Variants in CREG2 observed in about 807,000 individuals in gnomAD.
CREG2 encodes the protein cellular repressor of E1A stimulated genes 2.
CREG2 carries 24 observed loss-of-function variants against 26.2 expected under a neutral mutation model. The observed-to-expected ratio is 0.92, with a 90% CI of 0.66 to 1.29. CREG2 has a LOEUF of 1.29. CREG2 is among the 50% of genes most tolerant of loss of function. CREG2 has a pLI of 0.00. For synonymous variants in CREG2, 174 were observed against 169.2 expected, an observed-to-expected ratio of 1.03 and a Z score of -0.22; for missense variants, 366 against 398.6, an observed-to-expected ratio of 0.92 and a Z score of 0.70.
chr2:101,352,717 A>C (rs1287865879), intron 3 of CREG2, among the ~76,000 whole-genome samples: 2 of 152,210 alleles, frequency 1.3e-5, no homozygotes, highest in Non-Finnish European at 2.9e-5. Context: ...CTGAGGCACA[A>C]GACTCACTTG....
chr2:101,366,714 T>C (rs1256740101), intron 2 of CREG2, among the ~76,000 whole-genome samples: 1 of 151,700 alleles, frequency 6.6e-6, no homozygotes, highest in Non-Finnish European at 1.5e-5. Context: ...CCCAGCAACT[T>C]GGGAGGATGA....
Position 101,350,289 on chromosome 2 carries a change from A to G in CREG2, c.*634T>C, listed in dbSNP as rs1252322846. The G allele has an allele frequency of 6.6e-6, 1 of 152,236 alleles. No individual in the cohort carries two copies. Among genetic ancestry groups the G allele is most frequent in the Non-Finnish European group, 1.5e-5 (1 of 68,056 alleles). 9.4% of individuals were successfully genotyped at this position (152,236 alleles called of 1,614,324 possible). ...TTTAATGACTGCCATGGCTGCTTAC[A>G]TAGAGAAGGGCTATGCACAAAGCAC... On this transcript the variant is annotated 3_prime_UTR_variant, in exon 4 of 4. Coordinates refer to ENST00000324768, the MANE Select transcript of CREG2 (RefSeq NM_153836.4).
chr2:101,348,413 T>C lies in CREG2; in HGVS notation c.*2510A>G, dbSNP rs1303827670. On this transcript the variant is annotated 3_prime_UTR_variant, in exon 4 of 4. Coordinates refer to ENST00000324768, the MANE Select transcript of CREG2 (RefSeq NM_153836.4). The stretch of plus-strand genomic sequence containing the variant: ...AGAACTGATATCTTTACTGTTTGTA[T>C]CTTCCAATCCAAGAACATGGTATCT... The C allele has an allele frequency of 6.6e-6, 1 of 152,234 alleles. No individual in the cohort carries two copies. Among genetic ancestry groups the C allele is most frequent in the Non-Finnish European group, 1.5e-5 (1 of 68,028 alleles). 9.4% of individuals were successfully genotyped at this position (152,234 alleles called of 1,614,324 possible).
chr2:101,381,814 C>A (rs377450620), intron 2 of CREG2, among the ~76,000 whole-genome samples: 2 of 152,174 alleles, frequency 1.3e-5, no homozygotes, highest in African/African-American at 4.8e-5. Context: ...CAGGTGTTTG[C>A]GTGTCCTACA....
chr2:101,369,617 G>A (rs987495191), intron 2 of CREG2, among the ~76,000 whole-genome samples: 3 of 152,172 alleles, frequency 2.0e-5, no homozygotes, highest in Non-Finnish European at 2.9e-5. Flanking sequence ...TCTACAGGCC[G>A]ATAACTTGTA....
chr2:101,358,506 T>C (rs1337329494), intron 2 of CREG2, among the ~76,000 whole-genome samples: 1 of 152,250 alleles, frequency 6.6e-6, no homozygotes, highest in Admixed American at 6.5e-5. Flanking sequence ...GAATTGTTTA[T>C]GATGGCAAAA....
rs139618261 is a variant in CREG2, at chr2:101,383,881, C to A, written c.442-179G>T. On this transcript the variant is annotated intron_variant, in intron 1 of 3. Coordinates refer to ENST00000324768, the MANE Select transcript of CREG2 (RefSeq NM_153836.4). The stretch of plus-strand genomic sequence containing the variant: ...GGTGGTCCCCAGTCTGCCCAATTCA[C>A]TCCGTGGTGGCTCTAGAATTTCTCC... Among the ~76,000 whole-genome samples, 611 of 152,326 alleles carry A rather than the reference C, an allele frequency of 4.0e-3. 3 individuals carry two copies. Among genetic ancestry groups the A allele is most frequent in the African/African-American group, 0.014 (592 of 41,556 alleles).
rs1387745323 is a variant in CREG2, at chr2:101,346,653, A to C, written c.*4270T>G. The C allele has an allele frequency of 6.6e-6, 1 of 152,238 alleles. No individual in the cohort carries two copies. The highest frequency in any genetic ancestry group is 1.9e-4 in the East Asian group (1 of 5,200). The allele number at this position is 152,238 out of a possible 1,614,324, so 9.4% of individuals were successfully genotyped here. The stretch of plus-strand genomic sequence containing the variant: ...TGTACTAGGTTTTGGCTTATAGCTC[A>C]GTTCCTCATTTTATTAGGGACTAAT... On this transcript the variant is annotated 3_prime_UTR_variant, in exon 4 of 4. Transcript: ENST00000324768.
intron 2 of CREG2, among the ~76,000 whole-genome samples, chr2:101,367,998 T>A (rs1684644627): frequency 6.6e-6 from 1 of 152,128 alleles, no homozygotes; most frequent in Non-Finnish European, 1.5e-5. Context: ...CTTAAAAGAA[T>A]GCATCTGTGG....
chr2:101,368,845 A>G (rs1461227182), intron 2 of CREG2, among the ~76,000 whole-genome samples: 1 of 152,220 alleles, frequency 6.6e-6, no homozygotes, highest in Non-Finnish European at 1.5e-5. Flanking sequence ...TGCTCACCAG[A>G]CACTAAATCT....
In CREG2 at chr2:101,348,291, C is replaced by T. The variant is rs1269439612; in HGVS notation, c.*2632G>A. On this transcript the variant is annotated 3_prime_UTR_variant, in exon 4 of 4. Transcript: ENST00000324768. The stretch of plus-strand genomic sequence containing the variant: ...GTTTTAGCTATTTCAATGCCTGTGC[C>T]TTTCCATGTAACTTTTAAAATAAGC... 6.6e-6 allele frequency: 1 copy of T among 152,212 alleles called. No individual in the cohort carries two copies. The highest frequency in any genetic ancestry group is 2.4e-5 in the African/African-American group (1 of 41,452). 9.4% of individuals were successfully genotyped at this position (152,212 alleles called of 1,614,324 possible).
intron 3 of CREG2, among the ~76,000 whole-genome samples, chr2:101,354,771 A>C (rs1400732386): frequency 1.3e-5 from 2 of 152,098 alleles, no homozygotes; most frequent in African/African-American, 4.8e-5. Flanking sequence ...TGCCTTTCAC[A>C]ATACAGATTC....
chr2:101,355,187 C>G, intron 3 of CREG2, 66 bp downstream of exon 3: 1 of 1,072,690 alleles, frequency 9.3e-7, no homozygotes, highest in Non-Finnish European at 1.4e-6. Flanking sequence ...TCTAATGGCA[C>G]AGCCTGACCT....
chr2:101,372,543 T>A (rs1684724931), intron 2 of CREG2, among the ~76,000 whole-genome samples: 1 of 152,234 alleles, frequency 6.6e-6, no homozygotes, highest in Non-Finnish European at 1.5e-5. Flanking sequence ...GGTACACTTC[T>A]TTGTCATCTC....
chr2:101,383,289 G>T (rs1034445802), intron 2 of CREG2, among the ~76,000 whole-genome samples: 3 of 152,122 alleles, frequency 2.0e-5, no homozygotes, highest in Non-Finnish European at 4.4e-5. Context: ...ATAACCCTCG[G>T]AGGCAAAGAT....
chr2:101,382,615 G>A (rs535142008), intron 2 of CREG2: 87 of 985,414 alleles, frequency 8.8e-5, no homozygotes, highest in Middle Eastern at 5.2e-4. Flanking sequence ...GTGGTCTGTC[G>A]TGGCTGAGGG....
chr2:101,373,588 C>T (rs916997623), intron 2 of CREG2, among the ~76,000 whole-genome samples: 4 of 152,092 alleles, frequency 2.6e-5, no homozygotes, highest in Non-Finnish European at 4.4e-5. Flanking sequence ...ATAAATAAAA[C>T]ATTGATAAGC....
Position 101,387,122 on chromosome 2 carries a change from C to G in CREG2, c.336G>C (p.Gln112His). Residue 112 changes from glutamine (Q) to histidine (H), a missense_variant, in exon 1 of 4, where the codon CAG becomes CAC. Physicochemically the swap from Gln to His is conservative, Grantham distance 24. This residue lies in a region of CREG2 where 177 missense variants were observed against 183.3 expected (regional missense o/e 0.97). Coordinates refer to ENST00000324768, the MANE Select transcript of CREG2 (RefSeq NM_153836.4). The surrounding 1 kb of genome is among the most constrained non-coding windows in gnomAD (Gnocchi z 4.7). Reference protein sequence around the residue: ...GMFSYRREGGQTASAPPGPRL... With the variant: ...GMFSYRREGGHTASAPPGPRL... ...TAGGGCCCGGGGGCGCACTGGCCGT[C>G]TGGCCGCCCTCGCGCCGGTAGGAGA... is the stretch of plus-strand genomic sequence containing the variant. 1 of 1,244,808 alleles carries G rather than the reference C, an allele frequency of 8.0e-7. No individual in the cohort carries two copies. The highest frequency in any genetic ancestry group is 1.0e-6 in the Non-Finnish European group (1 of 995,538). The allele number at this position is 1,244,808 out of a possible 1,614,324, so 77.1% of individuals were successfully genotyped here.
intron 3 of CREG2, among the ~76,000 whole-genome samples, chr2:101,354,775 C>T (rs1474384327): frequency 6.6e-6 from 1 of 152,092 alleles, no homozygotes; most frequent in Non-Finnish European, 1.5e-5. Flanking sequence ...TTTCACAATA[C>T]AGATTCCTGA....
Sources: allele counts gnomAD v4.1 joint callset (sites outside exome capture counted in the v4.1 genomes callset), GRCh38; gene constraint gnomAD v4.1.1; regional missense constraint gnomAD v4.1.1; non-coding constraint Gnocchi (gnomAD v3.1); transcripts MANE v1.5; gene names NCBI Gene and HGNC (gene_info 2026-07-23, HGNC 2026-07-21).